The following INTS7 variants were observed in gnomAD, a reference collection of about 807,000 sequenced individuals.
INTS7 encodes chromosome 1 open reading frame 73.
In INTS7, 46 loss-of-function variants were observed where a neutral mutation model predicts 109.2. The ratio of observed to expected loss-of-function variants is 0.42; its 90% CI spans 0.33 to 0.54. The LOEUF (loss-of-function observed/expected upper bound fraction) is 0.54. Among genes scored for constraint, INTS7 ranks in the 20% least tolerant of loss-of-function variants. The probability of loss-of-function intolerance (pLI) is 0.07; values close to 1 mark genes in which losing one functional copy is unlikely to be tolerated. For missense variants in INTS7, 929 were observed against 1,132.4 expected, an observed-to-expected ratio of 0.82 and a Z score of 2.58; for synonymous variants, 412 against 402.9, an observed-to-expected ratio of 1.02 and a Z score of -0.27.
chr1:212,022,260 A>G (rs1666741065), intron 1 of INTS7, among the ~76,000 whole-genome samples: 1 of 152,220 alleles, frequency 6.6e-6, no homozygotes, highest in Non-Finnish European at 1.5e-5. Context: ...TAGGCAAAGA[A>G]TTCTTAGATA....
intron 16 of INTS7, 183 bp downstream of exon 16, chr1:211,966,247 C>T: frequency 7.4e-6 from 3 of 403,512 alleles, no homozygotes; most frequent in Non-Finnish European, 1.3e-5. Flanking sequence ...TTTTTGAAAA[C>T]AGGAGGCAGG....
chr1:211,952,708 T>G lies in INTS7; in HGVS notation c.2184-7A>C. On this transcript the variant is annotated splice_region_variant and splice_polypyrimidine_tract_variant and intron_variant, in intron 16 of 19. Coordinates refer to ENST00000366994, the MANE Select transcript of INTS7 (RefSeq NM_015434.4). ...AGATCCATATTCCTGGAAACTGAAG[T>G]AAAGGTCAATATTCATTAATCCATC... 3 of 1,609,862 alleles carry G rather than the reference T, an allele frequency of 1.9e-6. No individual in the cohort carries two copies. Among genetic ancestry groups the G allele is most frequent in the Non-Finnish European group, 2.5e-6 (3 of 1,177,152 alleles).
intron 15 of INTS7, among the ~76,000 whole-genome samples, chr1:211,967,192 G>A (rs1434641435): frequency 1.3e-5 from 2 of 152,104 alleles, no homozygotes; most frequent in Non-Finnish European, 2.9e-5. Flanking sequence ...GCTGGGCACG[G>A]TGGCTCACGT....
rs1334564167 is a variant in INTS7, at chr1:212,006,693, A to T, written c.825T>A (p.Asp275Glu). 6.3e-7 allele frequency: 1 copy of T among 1,596,846 alleles called. No homozygotes were observed. The highest frequency in any genetic ancestry group is 2.2e-5 in the East Asian group (1 of 44,588). ...GTGTTTTATTAGCAAGTAATTTCAGATCTTGAATAGCAAGTCTCTTTACTG... is the reference window on the plus strand; with the variant it reads ...GTGTTTTATTAGCAAGTAATTTCAGTTCTTGAATAGCAAGTCTCTTTACTG... ...RKAVKRLAIQ[D>E]LKLLANKTPH... The change falls in exon 7 of 20, where the codon GAT becomes GAA. Residue 275 changes from aspartate to glutamate, a missense_variant. Transcript: ENST00000366994.
intron 11 of INTS7, 31 bp downstream of exon 11, chr1:211,978,241 A>C (rs1664501428): frequency 6.2e-7 from 1 of 1,613,170 alleles, no homozygotes; most frequent in East Asian, 2.2e-5. Flanking sequence ...GATCCTAGTC[A>C]TTCAAAGGAG....
At chr1:212,006,829 G>T in intron 6 of INTS7, 68 bp from the exon 7 acceptor site, 1 of 1,334,072 alleles carries the variant, frequency 7.5e-7, no homozygotes, top group Non-Finnish European at 1.0e-6. Flanking sequence ...ATGCAGTGTA[G>T]TTTAGTGAAA....
chr1:212,017,718 C>T (rs1449182710), intron 3 of INTS7, among the ~76,000 whole-genome samples: 2 of 152,170 alleles, frequency 1.3e-5, no homozygotes, highest in African/African-American at 4.8e-5. Flanking sequence ...GTAAACAAAA[C>T]CTACAATGTT....
At chr1:211,966,790 G>A (rs1010039014) in intron 15 of INTS7, among the ~76,000 whole-genome samples, 1 of 152,058 alleles carries the variant, frequency 6.6e-6, no homozygotes, top group African/African-American at 2.4e-5. Flanking sequence ...GTTTTTATCT[G>A]TCTTAGATAT....
chr1:211,990,541 T>C (rs966787433), intron 7 of INTS7, among the ~76,000 whole-genome samples: 1 of 152,122 alleles, frequency 6.6e-6, no homozygotes, highest in Admixed American at 6.5e-5. Context: ...TCTAGAAATT[T>C]TTTGTCATAT....
chr1:212,019,298 A>G (rs1666589303), intron 3 of INTS7, among the ~76,000 whole-genome samples: 2 of 152,198 alleles, frequency 1.3e-5, no homozygotes, highest in Admixed American at 6.5e-5. Flanking sequence ...ATAGCTTTCA[A>G]AAGATGAAAA....
rs924088887 is a variant in INTS7, at chr1:212,000,707, T to C, written c.879+5932A>G. ...AAAACCTTTCTCTTTGCCTCCTCCA[T>C]TTTTAACCATACCTAATGACCATGT... is the stretch of plus-strand genomic sequence containing the variant. On this transcript the variant is annotated intron_variant, in intron 7 of 19. Coordinates refer to ENST00000366994, the MANE Select transcript of INTS7 (RefSeq NM_015434.4). 3.3e-5 allele frequency among the ~76,000 whole-genome samples: 5 copies of C among 152,342 alleles called. No individual in the cohort carries two copies. The South Asian group carries it at 1.0e-3, about 32-fold the overall frequency.
Position 212,013,880 on chromosome 1 carries a change from T to C in INTS7, c.510-2459A>G, listed in dbSNP as rs114898849. On this transcript the variant is annotated intron_variant, in intron 4 of 19. Coordinates refer to ENST00000366994, the MANE Select transcript of INTS7 (RefSeq NM_015434.4). Reference sequence around the variant, plus strand: ...CTAGATTTGTGTAAGTCCTCTACAATGTTTGCACAATGATGAAATTTCCTA... The same window carrying C: ...CTAGATTTGTGTAAGTCCTCTACAACGTTTGCACAATGATGAAATTTCCTA... Among the ~76,000 whole-genome samples, 800 of 152,288 alleles carry C rather than the reference T, an allele frequency of 5.3e-3. 10 individuals carry two copies. Among genetic ancestry groups the C allele is most frequent in the African/African-American group, 0.019 (773 of 41,578 alleles).
chr1:211,948,058 A>G (rs1173964345), intron 17 of INTS7, among the ~76,000 whole-genome samples: 2 of 152,180 alleles, frequency 1.3e-5, no homozygotes, highest in Admixed American at 1.3e-4. Flanking sequence ...TTGAAACCCA[A>G]CACCACAGGT....
intron 13 of INTS7, among the ~76,000 whole-genome samples, chr1:211,971,241 T>C (rs924710852): frequency 6.6e-6 from 1 of 152,194 alleles, no homozygotes; most frequent in African/African-American, 2.4e-5. Context: ...ACGCTCCAGA[T>C]ACTGCCAAAT....
At chr1:212,018,731 ATCTT>A (rs1666558154) in intron 3 of INTS7, among the ~76,000 whole-genome samples, 2 of 152,106 alleles carry the variant, frequency 1.3e-5, no homozygotes, top group African/African-American at 4.8e-5. Flanking sequence ...TTAAAACAAT[ATCTT>A]TCTATGTCAG....
chr1:211,947,381 G>A (rs1219769546), intron 17 of INTS7, among the ~76,000 whole-genome samples: 2 of 152,018 alleles, frequency 1.3e-5, no homozygotes, highest in Non-Finnish European at 2.9e-5. Flanking sequence ...GAATTTAAGC[G>A]TTCAAAGATA....
intron 5 of INTS7, among the ~76,000 whole-genome samples, chr1:212,008,467 C>G (rs1275664210): frequency 6.6e-6 from 1 of 152,080 alleles, no homozygotes; most frequent in Non-Finnish European, 1.5e-5. Flanking sequence ...GCTTTAATTT[C>G]TGATATTCCC....
At chr1:212,002,685 C>G (rs910770292) in intron 7 of INTS7, among the ~76,000 whole-genome samples, 1 of 152,200 alleles carries the variant, frequency 6.6e-6, no homozygotes, top group African/African-American at 2.4e-5. Flanking sequence ...TGAGGGTTTC[C>G]CTAACCAGCC....
intron 16 of INTS7, among the ~76,000 whole-genome samples, chr1:211,955,125 A>G (rs1440533408): frequency 3.3e-5 from 5 of 152,080 alleles, no homozygotes; most frequent in African/African-American, 1.2e-4. Flanking sequence ...TGTAAGTTGG[A>G]TTCCTAGGTA....
Sources: gnomAD v4.1 joint callset for allele counts (sites outside exome capture counted in the v4.1 genomes callset) on GRCh38, gnomAD v4.1.1 for gene constraint, MANE v1.5 for transcripts, NCBI Gene and HGNC (gene_info 2026-07-23, HGNC 2026-07-21) for gene names.